CALN1: variants seen among roughly 807,000 people sequenced by gnomAD.
CALN1 encodes the protein calneuron 1.
CALN1 carries 17 observed loss-of-function variants against 30.6 expected under a neutral mutation model. The observed-to-expected ratio is 0.56, with a 90% CI of 0.38 to 0.83. The LOEUF is 0.83. CALN1 is among the 40% of genes least tolerant of loss of function. The pLI is 0.00. For synonymous variants in CALN1, 156 were observed against 131.4 expected (o/e 1.19, Z -1.28); for missense variants, 291 against 354.9 (o/e 0.82, Z 1.45).
intron 5 of CALN1, among the ~76,000 whole-genome samples, chr7:71,993,863 A>T (rs1799095373): frequency 6.6e-6 from 1 of 152,176 alleles, no homozygotes. Flanking sequence ...AACCTTCTCA[A>T]ATGAAGGCCT....
At chr7:72,484,705 T>G in the CALN1 span, among the ~76,000 whole-genome samples, 1 of 152,150 alleles carries the variant, frequency 6.6e-6, no homozygotes, top group Non-Finnish European at 1.5e-5. Context: ...CTATCTCTTC[T>G]CAACTCAAGA....
intron 3 of CALN1, among the ~76,000 whole-genome samples, chr7:72,178,528 A>G (rs899532996): frequency 6.6e-6 from 1 of 152,066 alleles, no homozygotes; most frequent in Non-Finnish European, 1.5e-5. Flanking sequence ...CTCTTTACTG[A>G]AAAGACAAAA....
chr7:72,065,100 A>G (rs891342180), intron 4 of CALN1, among the ~76,000 whole-genome samples: 1 of 147,970 alleles, frequency 6.8e-6, no homozygotes, highest in African/African-American at 2.4e-5. Flanking sequence ...TAATATATGT[A>G]AAATATATTT....
intron 4 of CALN1, among the ~76,000 whole-genome samples, chr7:72,092,059 T>TA (rs1403525262): frequency 6.6e-6 from 1 of 152,240 alleles, no homozygotes; most frequent in Non-Finnish European, 1.5e-5. Flanking sequence ...GTATTCTTTT[T>TA]AAAAATCTCC....
intron 3 of CALN1, among the ~76,000 whole-genome samples, chr7:72,157,863 C>T (rs1429559854): frequency 6.6e-6 from 1 of 152,194 alleles, no homozygotes; most frequent in Non-Finnish European, 1.5e-5. Flanking sequence ...CTTGCCTCAG[C>T]CTCCAGAGTA....
In CALN1 at chr7:71,962,648, C is replaced by G. The variant is rs370736916; in HGVS notation, c.501+61009G>C. 1.5e-3 allele frequency among the ~76,000 whole-genome samples: 228 copies of G among 152,310 alleles called. 1 individual carries two copies. The highest frequency in any genetic ancestry group is 5.2e-3 in the African/African-American group (216 of 41,562). On this transcript the variant is annotated intron_variant, in intron 5 of 6. Coordinates refer to ENST00000395275, the MANE Select transcript of CALN1 (RefSeq NM_031468.4). ...AGAAGATTTCAAATTCCCCTAGAAA[C>G]CTTTCATTATCTAATACCTTTTAAA...
At chr7:72,059,409 C>A (rs1274454584) in intron 4 of CALN1, among the ~76,000 whole-genome samples, 3 of 152,112 alleles carry the variant, frequency 2.0e-5, no homozygotes, top group Admixed American at 6.5e-5. Flanking sequence ...CCCTGACAAT[C>A]CCTCATACTT....
chr7:72,338,521 G>GTCTGTCTGTC lies in CALN1; in HGVS notation c.120-59712_120-59711insGACAGACAGA, dbSNP rs368628309. On this transcript the variant is annotated intron_variant, in intron 2 of 6. Transcript: ENST00000395275. ...TGTGTGTGTGTGTGTGTGTGTGTGT[G>GTCTGTCTGTC]TGTGTGTCTCACCTGGGTGTGGTTT... is the stretch of plus-strand genomic sequence containing the variant. 4.4e-4 allele frequency among the ~76,000 whole-genome samples: 28 copies of GTCTGTCTGTC among 64,224 alleles called. 2 individuals are homozygous for GTCTGTCTGTC. The highest frequency in any genetic ancestry group is 1.1e-3 in the African/African-American group (24 of 22,834). The allele number at this position is 64,224 out of a possible 152,430, so 42.1% of individuals were successfully genotyped here.
intron 2 of CALN1, among the ~76,000 whole-genome samples, chr7:72,288,136 G>T (rs563837852): frequency 3.9e-5 from 6 of 152,256 alleles, no homozygotes; most frequent in South Asian, 4.2e-4. Flanking sequence ...GACACTGACT[G>T]GGGCCACCAT....
At chr7:71,855,405 T>C (rs1388350636) in intron 5 of CALN1, among the ~76,000 whole-genome samples, 2 of 151,988 alleles carry the variant, frequency 1.3e-5, no homozygotes, top group Non-Finnish European at 2.9e-5. Flanking sequence ...CAAATTTCCT[T>C]TCTACATTGG....
intron 3 of CALN1, among the ~76,000 whole-genome samples, chr7:72,161,153 C>T (rs1367110138): frequency 6.6e-6 from 1 of 152,028 alleles, no homozygotes; most frequent in South Asian, 2.1e-4. Context: ...GAAACGTAAA[C>T]TAACTAACTC....
At chr7:72,138,797 T>C (rs1378085998) in intron 3 of CALN1, among the ~76,000 whole-genome samples, 13 of 152,154 alleles carry the variant, frequency 8.5e-5, no homozygotes, top group Admixed American at 8.5e-4. Flanking sequence ...ATCCCCGCCC[T>C]TACCCTTTCT....
rs940399082 is a variant in CALN1 at position 71,810,560 on chromosome 7, C to T, written c.502-68G>A. On this transcript the variant is annotated intron_variant, in intron 5 of 6. Coordinates refer to ENST00000395275, the MANE Select transcript of CALN1 (RefSeq NM_031468.4). ...GATGGGAAGTTGGCTCGGGCCATGA[C>T]AGGCCAGACCCACAGCTGCTCTGCA... is the stretch of plus-strand genomic sequence containing the variant. 4.0e-6 allele frequency: 6 copies of T among 1,515,146 alleles called. No homozygotes were observed. The Admixed American group carries it at 9.2e-5, about 23-fold the overall frequency. 93.9% of individuals were successfully genotyped at this position (1,515,146 alleles called of 1,614,324 possible).
At chr7:72,082,951 C>CA (rs1458315723) in intron 4 of CALN1, among the ~76,000 whole-genome samples, 1 of 151,976 alleles carries the variant, frequency 6.6e-6, no homozygotes, top group Non-Finnish European at 1.5e-5. Flanking sequence ...CCTGTAATCC[C>CA]AGCACTTTGG....
chr7:72,303,101 T>C (rs1041127673), intron 2 of CALN1, among the ~76,000 whole-genome samples: 2 of 151,404 alleles, frequency 1.3e-5, no homozygotes, highest in African/African-American at 4.9e-5. Context: ...AAAAGGAATT[T>C]TACAATTCAT....
At chr7:72,054,448 C>T (rs12699119) in intron 4 of CALN1, among the ~76,000 whole-genome samples, 7 of 102,242 alleles carry the variant, frequency 6.8e-5, no homozygotes, top group South Asian at 6.3e-4. Context: ...TATATATATA[C>T]ATATATATAC....
chr7:72,357,114 T>TA (rs1364709888), intron 2 of CALN1, among the ~76,000 whole-genome samples: 6 of 151,952 alleles, frequency 3.9e-5, no homozygotes, highest in Non-Finnish European at 7.3e-5. Flanking sequence ...AACTGAAACT[T>TA]AGAGACAGCC....
the CALN1 span, among the ~76,000 whole-genome samples, chr7:72,480,414 T>C: frequency 6.6e-6 from 1 of 152,214 alleles, no homozygotes; most frequent in Non-Finnish European, 1.5e-5. Context: ...TTCCTGAAAA[T>C]TTGTTTAGAA....
intron 5 of CALN1, among the ~76,000 whole-genome samples, chr7:71,889,488 A>G (rs1016531411): frequency 6.6e-6 from 1 of 152,170 alleles, no homozygotes; most frequent in Non-Finnish European, 1.5e-5. Context: ...GGGCTCTTTT[A>G]TAAAAACACC....
Sources: gnomAD v4.1 joint callset for allele counts (sites outside exome capture counted in the v4.1 genomes callset) on GRCh38, gnomAD v4.1.1 for gene constraint, MANE v1.5 for transcripts, NCBI Gene and HGNC (gene_info 2026-07-23, HGNC 2026-07-21) for gene names.